NRG3: variants seen among roughly 807,000 people sequenced by gnomAD.
The protein encoded by NRG3 is pro-neuregulin-3, membrane-bound isoform.
A neutral mutation model predicts 66.9 loss-of-function variants in NRG3; 31 were observed. That is an observed-to-expected ratio of 0.46 (90% CI 0.35 to 0.63). NRG3 has a LOEUF of 0.63. NRG3 is among the 20% of genes least tolerant of loss of function. The pLI, the probability that NRG3 is intolerant of heterozygous loss-of-function variation, is 0.00. For missense variants in NRG3, 910 were observed against 878.9 expected (o/e 1.04, Z -0.45); for synonymous variants, 393 against 359.4 (o/e 1.09, Z -1.06).
chr10:82,524,552 A>G (rs1443428203), intron 2 of NRG3, among the ~76,000 whole-genome samples: 1 of 151,790 alleles, frequency 6.6e-6, no homozygotes, highest in Non-Finnish European at 1.5e-5. Flanking sequence ...TTAACTCATA[A>G]TTTTTCATTT....
chr10:82,242,308 A>T (rs1056417204), intron 1 of NRG3, among the ~76,000 whole-genome samples: 10 of 152,160 alleles, frequency 6.6e-5, no homozygotes, highest in Admixed American at 2.0e-4. Context: ...TTTGCAAAAG[A>T]TGGTGTCTAA....
intron 2 of NRG3, among the ~76,000 whole-genome samples, chr10:82,508,525 C>G (rs927423758): frequency 1.3e-5 from 2 of 151,994 alleles, no homozygotes; most frequent in South Asian, 2.1e-4. Context: ...AACTACAAAC[C>G]ATTGAAAGCA....
chr10:82,466,561 A>T (rs1011583943), intron 2 of NRG3, among the ~76,000 whole-genome samples: 1 of 152,196 alleles, frequency 6.6e-6, no homozygotes, highest in Non-Finnish European at 1.5e-5. Flanking sequence ...TAGGCAGTTC[A>T]GGCCAGGAAG....
intron 2 of NRG3, among the ~76,000 whole-genome samples, chr10:82,589,422 T>G (rs1257627443): frequency 6.6e-6 from 1 of 152,168 alleles, no homozygotes; most frequent in African/African-American, 2.4e-5. Context: ...TTCAGGCATG[T>G]AGTGTCACTA....
chr10:81,943,311 T>C (rs1848556896), intron 1 of NRG3, among the ~76,000 whole-genome samples: 1 of 152,106 alleles, frequency 6.6e-6, no homozygotes, highest in Admixed American at 6.6e-5. Flanking sequence ...TGCCCAGGAC[T>C]TTGAGGCTGC....
chr10:82,299,403 T>A (rs1472577100), intron 1 of NRG3, among the ~76,000 whole-genome samples: 1 of 152,076 alleles, frequency 6.6e-6, no homozygotes, highest in Non-Finnish European at 1.5e-5. Flanking sequence ...ACACAGCTAA[T>A]AAATGGTAAG....
intron 3 of NRG3, among the ~76,000 whole-genome samples, chr10:82,801,747 G>A (rs1463599012): frequency 6.6e-6 from 1 of 152,180 alleles, no homozygotes; most frequent in Non-Finnish European, 1.5e-5. Context: ...AATTTCTTGG[G>A]AGAGGAATAT....
At chr10:82,226,187 T>C (rs998032499) in intron 1 of NRG3, among the ~76,000 whole-genome samples, 2 of 152,144 alleles carry the variant, frequency 1.3e-5, no homozygotes, top group African/African-American at 4.8e-5. Context: ...AAGCAATTAC[T>C]CCTGGGATAC....
intron 1 of NRG3, among the ~76,000 whole-genome samples, chr10:81,879,129 G>A (rs1421410028): frequency 6.6e-6 from 1 of 152,200 alleles, no homozygotes; most frequent in Non-Finnish European, 1.5e-5. Context: ...TAGGCCGTGA[G>A]CTGGACCAAA....
chr10:82,714,611 C>A (rs975482300), intron 2 of NRG3, among the ~76,000 whole-genome samples: 4 of 152,098 alleles, frequency 2.6e-5, no homozygotes, highest in Non-Finnish European at 5.9e-5. Flanking sequence ...ATGGATGATA[C>A]CTTAATTTAA....
At chr10:82,726,044 C>G (rs1411967525) in intron 2 of NRG3, among the ~76,000 whole-genome samples, 1 of 152,136 alleles carries the variant, frequency 6.6e-6, no homozygotes, top group Admixed American at 6.6e-5. Context: ...AAGAGAGAAT[C>G]TCTCTTAGGT....
intron 1 of NRG3, among the ~76,000 whole-genome samples, chr10:82,307,998 A>G (rs992004463): frequency 5.3e-5 from 8 of 152,194 alleles, no homozygotes; most frequent in Non-Finnish European, 1.2e-4. Flanking sequence ...TGAGTGATCT[A>G]CATCAAATGA....
intron 6 of NRG3, among the ~76,000 whole-genome samples, chr10:82,963,047 G>A (rs1850823875): frequency 6.6e-6 from 1 of 152,068 alleles, no homozygotes; most frequent in Non-Finnish European, 1.5e-5. Context: ...GGTTAGTGGA[G>A]AGAAAAATGT....
At chr10:82,493,019 T>C (rs1037978091) in intron 2 of NRG3, among the ~76,000 whole-genome samples, 10 of 152,182 alleles carry the variant, frequency 6.6e-5, no homozygotes, top group African/African-American at 1.9e-4. Flanking sequence ...TGCTGGGGCA[T>C]TGGATTGCTG....
At chr10:82,536,939 T>G (rs1034070951) in intron 2 of NRG3, among the ~76,000 whole-genome samples, 20 of 151,726 alleles carry the variant, frequency 1.3e-4, no homozygotes, top group African/African-American at 4.6e-4. Context: ...TAACTTATTA[T>G]TAAAGATATT....
intron 1 of NRG3, among the ~76,000 whole-genome samples, chr10:82,107,922 C>T (rs940344031): frequency 2.6e-5 from 4 of 152,118 alleles, no homozygotes; most frequent in Non-Finnish European, 4.4e-5. Context: ...AGCTGAAAAA[C>T]GAAAACATCA....
intron 2 of NRG3, among the ~76,000 whole-genome samples, chr10:82,731,242 A>T (rs998129428): frequency 1.4e-4 from 21 of 151,708 alleles, no homozygotes; most frequent in African/African-American, 5.1e-4. Flanking sequence ...TGGCACATGC[A>T]TGTAGTCCCA....
chr10:82,812,964 A>T (rs910280054), intron 3 of NRG3, among the ~76,000 whole-genome samples: 3 of 152,220 alleles, frequency 2.0e-5, no homozygotes, highest in Non-Finnish European at 4.4e-5. Flanking sequence ...ATCAAATGTG[A>T]ACCAAGATTT....
At chr10:82,664,237 C>T (rs1324715701) in intron 2 of NRG3, among the ~76,000 whole-genome samples, 1 of 152,078 alleles carries the variant, frequency 6.6e-6, no homozygotes, top group East Asian at 1.9e-4. Flanking sequence ...ATAATACTGC[C>T]ATACAATTTC....
Sources: allele counts gnomAD v4.1 joint callset (sites outside exome capture counted in the v4.1 genomes callset), GRCh38; gene constraint gnomAD v4.1.1; transcripts MANE v1.5; gene names NCBI Gene and HGNC (gene_info 2026-07-23, HGNC 2026-07-21).